OPCML: variants seen among roughly 807,000 people sequenced by gnomAD.
OPCML encodes opioid-binding protein/cell adhesion molecule.
A neutral mutation model predicts 37.8 loss-of-function variants in OPCML; 13 were observed. The observed-to-expected ratio is 0.34, with a 90% CI of 0.22 to 0.55. OPCML has a LOEUF of 0.55. Among genes scored for constraint, OPCML ranks in the 20% least tolerant of loss-of-function variants. OPCML has a pLI of 0.91. For synonymous variants in OPCML, 176 were observed against 168.8 expected, an observed-to-expected ratio of 1.04 and a Z score of -0.33; for missense variants, 341 against 435.6, an observed-to-expected ratio of 0.78 and a Z score of 1.93.
At chr11:133,070,714 T>G (rs931583973) in intron 1 of OPCML, among the ~76,000 whole-genome samples, 2 of 152,222 alleles carry the variant, frequency 1.3e-5, no homozygotes, top group African/African-American at 4.8e-5. Context: ...AATATTATAA[T>G]TAGTTCCCAT....
intron 3 of OPCML, among the ~76,000 whole-genome samples, chr11:132,592,807 T>C (rs1457945745): frequency 1.3e-5 from 2 of 152,238 alleles, no homozygotes; most frequent in Non-Finnish European, 2.9e-5. Flanking sequence ...GACCAACCTC[T>C]TGGTCTAAGA....
intron 3 of OPCML, among the ~76,000 whole-genome samples, chr11:132,598,895 T>C (rs975519619): frequency 1.3e-5 from 2 of 152,220 alleles, no homozygotes; most frequent in Admixed American, 1.3e-4. Context: ...TGTGAGATTG[T>C]TCTCTCTCCT....
At chr11:132,583,012 T>C (rs1351811133) in intron 3 of OPCML, among the ~76,000 whole-genome samples, 2 of 151,874 alleles carry the variant, frequency 1.3e-5, no homozygotes, top group African/African-American at 4.8e-5. Flanking sequence ...TGATGCAAAA[T>C]CAATAGGAAA....
chr11:133,401,145 A>G (rs923206283), intron 1 of OPCML, among the ~76,000 whole-genome samples: 2 of 152,340 alleles, frequency 1.3e-5, no homozygotes, highest in Non-Finnish European at 1.5e-5. Context: ...TTTAAATATT[A>G]GACAACTCAA....
At chr11:132,759,151 G>A (rs189370180) in intron 2 of OPCML, among the ~76,000 whole-genome samples, 140 of 152,180 alleles carry the variant, frequency 9.2e-4, no homozygotes, top group African/African-American at 3.3e-3. Flanking sequence ...GGATGAAACC[G>A]ACTTGATCAT....
chr11:133,285,714 C>A (rs753409307), intron 1 of OPCML, among the ~76,000 whole-genome samples: 13 of 152,188 alleles, frequency 8.5e-5, no homozygotes, highest in Non-Finnish European at 1.6e-4. Flanking sequence ...TAAGAAACTT[C>A]TTTTCAGCTG....
At chr11:132,888,291 G>A (rs1038516846) in intron 2 of OPCML, among the ~76,000 whole-genome samples, 1 of 152,204 alleles carries the variant, frequency 6.6e-6, no homozygotes, top group Admixed American at 6.5e-5. Context: ...AATCATTCCA[G>A]GCTGCACGGC....
intron 1 of OPCML, among the ~76,000 whole-genome samples, chr11:133,399,843 T>G (rs1256655933): frequency 1.3e-5 from 2 of 149,332 alleles, no homozygotes; most frequent in Non-Finnish European, 3.0e-5. Flanking sequence ...TTTAACAGAT[T>G]AAGGAAGCAT....
chr11:132,683,202 C>T (rs1943027020), intron 2 of OPCML, among the ~76,000 whole-genome samples: 1 of 152,052 alleles, frequency 6.6e-6, no homozygotes, highest in Admixed American at 6.6e-5. Context: ...AGTTGGAGAC[C>T]AGCCTGAGCA....
intron 2 of OPCML, among the ~76,000 whole-genome samples, chr11:132,686,199 C>G (rs1943153298): frequency 6.6e-6 from 1 of 152,172 alleles, no homozygotes; most frequent in South Asian, 2.1e-4. Flanking sequence ...TGCAGATCAT[C>G]AATTCTAACT....
At chr11:132,703,141 G>T (rs1943896529) in intron 2 of OPCML, among the ~76,000 whole-genome samples, 1 of 152,032 alleles carries the variant, frequency 6.6e-6, no homozygotes, top group South Asian at 2.1e-4. Context: ...ATTTTGTTGT[G>T]CAAACATTAT....
At chr11:133,262,963 C>G (rs1202310170) in intron 1 of OPCML, among the ~76,000 whole-genome samples, 1 of 151,494 alleles carries the variant, frequency 6.6e-6, no homozygotes, top group Non-Finnish European at 1.5e-5. Flanking sequence ...GGGAAGACAC[C>G]CTAGACTTCT....
chr11:132,470,667 C>T (rs181360699), intron 4 of OPCML, among the ~76,000 whole-genome samples: 1 of 152,180 alleles, frequency 6.6e-6, no homozygotes, highest in East Asian at 1.9e-4. Context: ...TAAGTGTGAT[C>T]ATAGATATCA....
intron 3 of OPCML, among the ~76,000 whole-genome samples, chr11:132,638,704 G>A (rs1940672851): frequency 6.6e-6 from 1 of 152,024 alleles, no homozygotes; most frequent in South Asian, 2.1e-4. Context: ...CAGGCCCTGT[G>A]ACCCCACCCA....
chr11:133,521,550 G>A (rs1436083392), intron 1 of OPCML, among the ~76,000 whole-genome samples: 5 of 152,152 alleles, frequency 3.3e-5, no homozygotes, highest in Non-Finnish European at 7.4e-5. Flanking sequence ...AGGAGGGTGG[G>A]GCCCACCAGA....
At chr11:132,586,596 A>G (rs894923205) in intron 3 of OPCML, among the ~76,000 whole-genome samples, 4 of 152,340 alleles carry the variant, frequency 2.6e-5, no homozygotes, top group East Asian at 1.9e-4. Context: ...GGTTTGTCCC[A>G]GGGCTACGAC....
At chr11:132,448,103 T>G (rs2096059989) in intron 4 of OPCML, among the ~76,000 whole-genome samples, 1 of 152,198 alleles carries the variant, frequency 6.6e-6, no homozygotes. Flanking sequence ...CTGAAAGAAA[T>G]AGTCCTAGGG....
intron 3 of OPCML, among the ~76,000 whole-genome samples, chr11:132,534,944 C>A (rs2096336338): frequency 6.6e-6 from 1 of 151,626 alleles, no homozygotes. Context: ...TTTCCTAAAT[C>A]TTAGTTTCCA....
intron 1 of OPCML, among the ~76,000 whole-genome samples, chr11:133,135,901 G>T (rs1949682282): frequency 6.6e-6 from 1 of 152,210 alleles, no homozygotes; most frequent in Non-Finnish European, 1.5e-5. Context: ...GAGGTAAGCA[G>T]AATGTAATTA....
Sources: gnomAD v4.1 joint callset for allele counts (sites outside exome capture counted in the v4.1 genomes callset) on GRCh38, gnomAD v4.1.1 for gene constraint, MANE v1.5 for transcripts, NCBI Gene and HGNC (gene_info 2026-07-23, HGNC 2026-07-21) for gene names.